The following RAB31 variants were observed in gnomAD, a reference collection of about 807,000 sequenced individuals.
The protein encoded by RAB31 is RAB31, member RAS oncogene family, also known as ras-related protein Rab-31.
In RAB31, 21 loss-of-function variants were observed where a neutral mutation model predicts 25.6. The ratio of observed to expected loss-of-function variants is 0.82; its 90% CI spans 0.58 to 1.18. The LOEUF is 1.18. RAB31 is among the 50% of genes most tolerant of loss of function. The pLI, the probability that RAB31 is intolerant of heterozygous loss-of-function variation, is 0.00. For synonymous variants in RAB31, 87 were observed against 84.0 expected, an observed-to-expected ratio of 1.04 and a Z score of -0.20; for missense variants, 196 against 250.1, an observed-to-expected ratio of 0.78 and a Z score of 1.46.
chr18:9,820,383 C>A (rs775806287), intron 5 of RAB31, among the ~76,000 whole-genome samples: 18 of 151,988 alleles, frequency 1.2e-4, no homozygotes, highest in Admixed American at 2.6e-4. Flanking sequence ...CCTTTTTATA[C>A]ATTGCTGGGT....
chr18:9,811,382 A>G (rs1055121626), intron 3 of RAB31, among the ~76,000 whole-genome samples: 12 of 152,226 alleles, frequency 7.9e-5, no homozygotes, highest in Non-Finnish European at 2.9e-5. Context: ...GTGCAGTAAC[A>G]GGGAAACCTG....
At chr18:9,806,070 G>C (rs1050966156) in intron 3 of RAB31, among the ~76,000 whole-genome samples, 1 of 150,394 alleles carries the variant, frequency 6.6e-6, no homozygotes, top group Non-Finnish European at 1.5e-5. Context: ...CCAGCTACTC[G>C]GGAGGCTGAG....
At chr18:9,740,456 G>A (rs1463313385) in intron 1 of RAB31, among the ~76,000 whole-genome samples, 1 of 152,232 alleles carries the variant, frequency 6.6e-6, no homozygotes, top group Non-Finnish European at 1.5e-5. Context: ...GCTCTCGCCT[G>A]TAATCCCAGC....
chr18:9,741,299 C>G (rs933569791), intron 1 of RAB31, among the ~76,000 whole-genome samples: 1 of 142,474 alleles, frequency 7.0e-6, no homozygotes, highest in African/African-American at 2.6e-5. Flanking sequence ...TTGCTTGAAC[C>G]TGGTGGGGCA....
chr18:9,762,290 T>C (rs2068293248), intron 1 of RAB31, among the ~76,000 whole-genome samples: 1 of 152,214 alleles, frequency 6.6e-6, no homozygotes, highest in South Asian at 2.1e-4. Flanking sequence ...CCTTTTTTGC[T>C]AGACATGCAA....
chr18:9,725,578 G>T (rs989223289), intron 1 of RAB31, among the ~76,000 whole-genome samples: 1 of 152,180 alleles, frequency 6.6e-6, no homozygotes, highest in African/African-American at 2.4e-5. Context: ...ATTGTTATAT[G>T]TTACAAATTA....
chr18:9,749,319 C>G (rs1193913482), intron 1 of RAB31, among the ~76,000 whole-genome samples: 1 of 150,520 alleles, frequency 6.6e-6, no homozygotes, highest in Non-Finnish European at 1.5e-5. Flanking sequence ...GAGGTGCTAC[C>G]ATTGCCCCAT....
intron 5 of RAB31, among the ~76,000 whole-genome samples, chr18:9,817,472 G>A (rs2143083503): frequency 6.6e-6 from 1 of 152,258 alleles, no homozygotes; most frequent in East Asian, 1.9e-4. Context: ...GTTAGTCTCT[G>A]GAGAGATACT....
At chr18:9,843,564 A>C (rs1294075542) in intron 5 of RAB31, among the ~76,000 whole-genome samples, 3 of 149,794 alleles carry the variant, frequency 2.0e-5, no homozygotes, top group Non-Finnish European at 4.5e-5. Context: ...AAAAAAAAAA[A>C]ACTTCAGGAG....
Position 9,835,403 on chromosome 18 carries a change from G to A in RAB31, c.381-10179G>A, listed in dbSNP as rs538515046. ...TTCTGTCAGCAGAAGGGGATTAAGA[G>A]GCAAAGGAATGGCCAAGTCCCCTAG... On this transcript the variant is annotated intron_variant, in intron 5 of 6. Coordinates refer to ENST00000578921, the MANE Select transcript of RAB31 (RefSeq NM_006868.4). 1.8e-4 allele frequency among the ~76,000 whole-genome samples: 28 copies of A among 151,604 alleles called. No homozygotes were observed. The South Asian group carries it at 5.6e-3, about 30-fold the overall frequency.
At chr18:9,824,689 T>A (rs527536830) in intron 5 of RAB31, among the ~76,000 whole-genome samples, 1 of 152,310 alleles carries the variant, frequency 6.6e-6, no homozygotes, top group South Asian at 2.1e-4. Flanking sequence ...GAAGATGGTA[T>A]AAAGGTCCGC....
chr18:9,758,148 T>A (rs2068269445), intron 1 of RAB31: 1 of 152,198 alleles, frequency 6.6e-6, no homozygotes, highest in Non-Finnish European at 1.5e-5. Flanking sequence ...TGTTCATACG[T>A]CCCATTAAAT....
At chr18:9,796,970 T>G (rs185269268) in intron 3 of RAB31, among the ~76,000 whole-genome samples, 5 of 152,332 alleles carry the variant, frequency 3.3e-5, no homozygotes, top group South Asian at 4.1e-4. Context: ...TTTAAACAGT[T>G]TTAAGAAATA....
chr18:9,851,243 A>G (rs1444122135), intron 6 of RAB31, among the ~76,000 whole-genome samples: 1 of 152,246 alleles, frequency 6.6e-6, no homozygotes, highest in African/African-American at 2.4e-5. Context: ...AGACTTTCTT[A>G]CACCAAGAAA....
chr18:9,723,809 C>T (rs2068083869), intron 1 of RAB31: 1 of 152,204 alleles, frequency 6.6e-6, no homozygotes, highest in Admixed American at 6.5e-5. Flanking sequence ...AGTCAGAACT[C>T]ACCCACCCCA....
rs1221454120 is a variant in RAB31 at position 9,766,682 on chromosome 18, G to A, written c.40-8596G>A. 5.3e-5 allele frequency among the ~76,000 whole-genome samples: 8 copies of A among 152,244 alleles called. No individual in the cohort carries two copies. The highest frequency in any genetic ancestry group is 1.9e-4 in the East Asian group (1 of 5,180). ...ACGTTTTAGAAGCATGTGGCTGGGC[G>A]CATGGCTCACACCGGTAATCTCAGC... On this transcript the variant is annotated intron_variant, in intron 1 of 6. Coordinates refer to ENST00000578921, the MANE Select transcript of RAB31 (RefSeq NM_006868.4). The surrounding 1 kb of genome is among the most constrained non-coding windows in gnomAD (Gnocchi z 4.3).
intron 5 of RAB31, among the ~76,000 whole-genome samples, chr18:9,817,191 T>C (rs1458728304): frequency 6.6e-6 from 1 of 152,190 alleles, no homozygotes; most frequent in Non-Finnish European, 1.5e-5. Flanking sequence ...CGACCTTTGC[T>C]GAGAGAAGGT....
At chr18:9,748,030 G>A (rs1223002490) in intron 1 of RAB31, among the ~76,000 whole-genome samples, 2 of 152,152 alleles carry the variant, frequency 1.3e-5, no homozygotes, top group Non-Finnish European at 2.9e-5. Flanking sequence ...GAACTCCCAG[G>A]ATTATGCACA....
At chr18:9,821,096 A>G (rs10048278) in intron 5 of RAB31, among the ~76,000 whole-genome samples, 36,139 of 151,996 alleles carry the variant, frequency 0.24, 4,696 homozygotes, top group Non-Finnish European at 0.29. Flanking sequence ...ATCTCAAAAT[A>G]TTTTCTAATT....
Sources: gnomAD v4.1 joint callset for allele counts (sites outside exome capture counted in the v4.1 genomes callset) on GRCh38, gnomAD v4.1.1 for gene constraint, Gnocchi (gnomAD v3.1) non-coding constraint, MANE v1.5 for transcripts, NCBI Gene and HGNC (gene_info 2026-07-23, HGNC 2026-07-21) for gene names.